Variants in KIF13B observed in about 807,000 individuals in gnomAD.
The protein encoded by KIF13B is kinesin family member 13B, also known as kinesin-like protein KIF13B.
Under a neutral mutation model 222.0 loss-of-function variants are expected in KIF13B, and 127 were observed. That is an observed-to-expected ratio of 0.57 (90% CI 0.50 to 0.66). The LOEUF (loss-of-function observed/expected upper bound fraction) is 0.66, where lower values mean the gene tolerates loss of function less well. Ranked by LOEUF, KIF13B falls within the 30% of genes least tolerant of loss-of-function variation. The pLI is 0.00. For missense variants in KIF13B, 2,173 were observed against 2,379.0 expected, an observed-to-expected ratio of 0.91 and a Z score of 1.80; for synonymous variants, 976 against 919.0, an observed-to-expected ratio of 1.06 and a Z score of -1.12.
At chr8:29,106,522 C>G (rs1487211006) in intron 35 of KIF13B, among the ~76,000 whole-genome samples, 1 of 148,602 alleles carries the variant, frequency 6.7e-6, no homozygotes, top group Non-Finnish European at 1.5e-5. Flanking sequence ...ATCCCCGCTA[C>G]TGGGGAGGCT....
intron 10 of KIF13B, among the ~76,000 whole-genome samples, chr8:29,172,519 G>GTTTC (rs569659744): frequency 2.0e-3 from 303 of 152,126 alleles, no homozygotes; most frequent in African/African-American, 6.1e-3. Context: ...AAATGTTATG[G>GTTTC]TTTCATTCTT....
At chr8:29,229,689 A>G (rs1361942767) in intron 2 of KIF13B, among the ~76,000 whole-genome samples, 1 of 152,228 alleles carries the variant, frequency 6.6e-6, no homozygotes, top group African/African-American at 2.4e-5. Context: ...TGATAGTTCA[A>G]GAAACCAACT....
chr8:29,106,433 A>G (rs1809070175), intron 35 of KIF13B, among the ~76,000 whole-genome samples: 2 of 152,132 alleles, frequency 1.3e-5, no homozygotes, highest in South Asian at 4.1e-4. Flanking sequence ...GGAGTTCGAG[A>G]CCAGGCTGGC....
chr8:29,173,153 G>A (rs1812322155), intron 10 of KIF13B, among the ~76,000 whole-genome samples: 1 of 151,986 alleles, frequency 6.6e-6, no homozygotes, highest in Non-Finnish European at 1.5e-5. Flanking sequence ...GACCTCAGCT[G>A]ATCCTCCCAC....
intron 37 of KIF13B, among the ~76,000 whole-genome samples, chr8:29,075,629 G>A (rs993504656): frequency 2.6e-5 from 4 of 152,224 alleles, no homozygotes; most frequent in Non-Finnish European, 5.9e-5. Context: ...TGTGAACCGA[G>A]GACTGGGCCT....
chr8:29,253,684 G>C (rs1403822714), intron 1 of KIF13B, among the ~76,000 whole-genome samples: 1 of 151,844 alleles, frequency 6.6e-6, no homozygotes, highest in Non-Finnish European at 1.5e-5. Flanking sequence ...ACAAAAATTA[G>C]CCAGGCAGGG....
chr8:29,078,127 C>CAAAAAAAAAAA (rs10530503), intron 37 of KIF13B, among the ~76,000 whole-genome samples: 7 of 74,274 alleles, frequency 9.4e-5, no homozygotes, highest in South Asian at 9.4e-4. Flanking sequence ...TACTAAAATC[C>CAAAAAAAAAAA]AAAAAAAAAA....
intron 21 of KIF13B, 83 bp downstream of exon 21, chr8:29,139,980 T>C: frequency 8.1e-7 from 1 of 1,239,998 alleles, no homozygotes; most frequent in Non-Finnish European, 1.1e-6. Context: ...CAAAAGTAAT[T>C]GTGATTTTTG....
At chr8:29,123,317 T>G in intron 28 of KIF13B, 49 bp downstream of exon 28, 1 of 1,594,496 alleles carries the variant, frequency 6.3e-7, no homozygotes, top group Non-Finnish European at 8.6e-7. Flanking sequence ...TAAAAGCAAG[T>G]GGCTTGGTGA....
In KIF13B at chr8:29,067,842, A is replaced by C. The variant is rs1245118278; in HGVS notation, c.*2662T>G. On this transcript the variant is annotated 3_prime_UTR_variant, in exon 40 of 40. Transcript: ENST00000524189. Reference sequence around the variant, plus strand: ...TCTCTTGTTGAACCTTGGTAGGCCCAGAAACATCTTCCCCCTCCTCACCTC... The same window carrying C: ...TCTCTTGTTGAACCTTGGTAGGCCCCGAAACATCTTCCCCCTCCTCACCTC... The C allele has an allele frequency of 6.5e-6, 1 of 152,784 alleles. No homozygotes were observed. The highest frequency in any genetic ancestry group is 2.4e-5 in the African/African-American group (1 of 41,470). 9.5% of individuals were successfully genotyped at this position (152,784 alleles called of 1,614,324 possible).
intron 27 of KIF13B, 51 bp from the exon 28 acceptor site, chr8:29,123,543 T>C: frequency 1.2e-6 from 2 of 1,607,466 alleles, no homozygotes; most frequent in Non-Finnish European, 1.7e-6. Context: ...TTGCCATTTA[T>C]CTTTTTGTCC....
chr8:29,118,285 T>C lies in KIF13B; in HGVS notation c.3660+583A>G, dbSNP rs1809696975. On this transcript the variant is annotated intron_variant, in intron 30 of 39. Transcript: ENST00000524189. ...GCAGGCGATCACTTCCGGTCAGGAG[T>C]TGAAGACCAGCTTGGCCAACATGGT... Among the ~76,000 whole-genome samples, 5 of 149,598 alleles carry C rather than the reference T, an allele frequency of 3.3e-5. No individual in the cohort carries two copies. The South Asian group carries it at 1.1e-3, about 32-fold the overall frequency.
At chr8:29,164,373 G>A (rs946701277) in intron 12 of KIF13B, among the ~76,000 whole-genome samples, 12 of 152,310 alleles carry the variant, frequency 7.9e-5, no homozygotes, top group Middle Eastern at 3.4e-3. Flanking sequence ...ACTTAGAAAA[G>A]GAAGAGGAAG....
At chr8:29,088,261 A>G (rs1461973543) in intron 37 of KIF13B, among the ~76,000 whole-genome samples, 1 of 152,054 alleles carries the variant, frequency 6.6e-6, no homozygotes, top group Admixed American at 6.5e-5. Context: ...GGGAGACTCC[A>G]TCTTAAAAAA....
chr8:29,116,252 G>T (rs527584518), intron 31 of KIF13B, among the ~76,000 whole-genome samples: 410 of 152,310 alleles, frequency 2.7e-3, no homozygotes, highest in African/African-American at 9.4e-3. Flanking sequence ...AAGACTGCAA[G>T]AGGTAAAAGG....
Position 29,147,603 on chromosome 8 carries a change from C to A in KIF13B, c.1814-1G>T. On this transcript the variant is annotated splice_acceptor_variant, in intron 16 of 39. Transcript: ENST00000524189. LOFTEE classifies it high-confidence loss of function. ...CTGTTTAATATGGACTGCATCGGAT[C>A]TAAACACATTTTTAAAAAAGATACA... 6.2e-7 allele frequency: 1 copy of A among 1,604,892 alleles called. No homozygotes were observed. The highest frequency in any genetic ancestry group is 8.5e-7 in the Non-Finnish European group (1 of 1,173,846).
chr8:29,247,445 G>C (rs1050838176), intron 1 of KIF13B, among the ~76,000 whole-genome samples: 4 of 152,060 alleles, frequency 2.6e-5, no homozygotes, highest in African/African-American at 9.7e-5. Context: ...CATCGACAGT[G>C]AAAAAGGGAA....
chr8:29,217,026 T>C (rs1215413933), intron 2 of KIF13B, among the ~76,000 whole-genome samples: 1 of 152,190 alleles, frequency 6.6e-6, no homozygotes, highest in East Asian at 1.9e-4. Context: ...TATTCCTCGT[T>C]CCTCATGTTT....
intron 37 of KIF13B, 115 bp downstream of exon 37, chr8:29,092,629 TA>T: frequency 8.5e-7 from 1 of 1,179,280 alleles, no homozygotes; most frequent in Non-Finnish European, 1.2e-6. Flanking sequence ...TTTCTGGGTT[TA>T]AAAACCCAGT....
Sources: gnomAD v4.1 joint callset for allele counts (sites outside exome capture counted in the v4.1 genomes callset) on GRCh38, gnomAD v4.1.1 for gene constraint, MANE v1.5 for transcripts, NCBI Gene and HGNC (gene_info 2026-07-23, HGNC 2026-07-21) for gene names.